Variants in OGN observed in about 807,000 individuals in gnomAD.
OGN encodes the protein osteoglycin.
OGN carries 19 observed loss-of-function variants against 30.8 expected under a neutral mutation model. That is an observed-to-expected ratio of 0.62 (90% CI 0.43 to 0.90). The LOEUF is 0.90. OGN is among the 40% of genes least tolerant of loss of function. OGN has a pLI of 0.00. For missense variants in OGN, 283 were observed against 349.7 expected, an observed-to-expected ratio of 0.81 and a Z score of 1.52; for synonymous variants, 126 against 128.3, an observed-to-expected ratio of 0.98 and a Z score of 0.12.
intron 3 of OGN, among the ~76,000 whole-genome samples, chr9:92,399,296 GTC>G (rs967909613): frequency 1.5e-4 from 23 of 151,906 alleles, no homozygotes; most frequent in African/African-American, 5.3e-4. Context: ...TAATTTATAT[GTC>G]TCTGTGTGAG....
At chr9:92,387,053 GA>G (rs903436031) in intron 5 of OGN, among the ~76,000 whole-genome samples, 1,028 of 50,164 alleles carry the variant, frequency 0.02, 3 homozygotes, top group African/African-American at 0.041. Context: ...GTCTCAAAAA[GA>G]AAAAAAAAAA....
chr9:92,401,974 C>G (rs1843133671), intron 2 of OGN, among the ~76,000 whole-genome samples: 1 of 152,164 alleles, frequency 6.6e-6, no homozygotes, highest in African/African-American at 2.4e-5. Flanking sequence ...AACTTCCTCC[C>G]TCTACTCTGT....
chr9:92,397,865 A>G (rs1410735319), intron 3 of OGN, among the ~76,000 whole-genome samples: 1 of 152,228 alleles, frequency 6.6e-6, no homozygotes, highest in Non-Finnish European at 1.5e-5. Context: ...ATGTATACAT[A>G]CACACACATA....
chr9:92,389,779 T>C, intron 5 of OGN, 75 bp downstream of exon 5: 1 of 972,528 alleles, frequency 1.0e-6, no homozygotes, highest in Non-Finnish European at 1.5e-6. Flanking sequence ...CAAAATACAA[T>C]TCTAGACCAA....
At position 92,386,292 on chromosome 9, in the gene OGN, A is replaced by G; in HGVS notation, c.635T>C (p.Leu212Pro). Residue 212 changes from leucine (L) to proline (P), a missense_variant, in exon 6 of 7, where the codon CTG becomes CCG. Coordinates refer to ENST00000375561, the MANE Select transcript of OGN (RefSeq NM_014057.5). The stretch of plus-strand genomic sequence containing the variant: ...CAAGTAGAGGAAGGTGAGGTTATTC[A>G]GTTTCTGTAAGGAAAATTTCATGTG... ...RGIKANAFKK[L>P]NNLTFLYLDH... The G allele has an allele frequency of 1.9e-6, 3 of 1,609,182 alleles. No homozygotes were observed. The highest frequency in any genetic ancestry group is 2.2e-5 in the East Asian group (1 of 44,808).
At chr9:92,404,280 T>A (rs527335415) in intron 1 of OGN, among the ~76,000 whole-genome samples, 2 of 152,230 alleles carry the variant, frequency 1.3e-5, no homozygotes, top group East Asian at 3.9e-4. Context: ...AGGTTGAAAA[T>A]GAAGAAGATA....
rs140650618 is a variant in OGN at position 92,390,532 on chromosome 9, G to T, written c.428-476C>A. 1.4e-3 allele frequency among the ~76,000 whole-genome samples: 213 copies of T among 151,892 alleles called. 1 individual carries two copies. Among genetic ancestry groups the T allele is most frequent in the African/African-American group, 5.0e-3 (209 of 41,422 alleles). ...CAAAGACAAAGATGTTCCCTGATTTGTTAAAGTGACACAGATTGAGAGAGA... is the reference window on the plus strand; with the variant it reads ...CAAAGACAAAGATGTTCCCTGATTTTTTAAAGTGACACAGATTGAGAGAGA... On this transcript the variant is annotated intron_variant, in intron 4 of 6. Transcript: ENST00000375561.
intron 3 of OGN, among the ~76,000 whole-genome samples, chr9:92,395,108 T>C (rs1302922812): frequency 1.3e-5 from 2 of 152,144 alleles, no homozygotes; most frequent in Admixed American, 6.5e-5. Flanking sequence ...TTTTTACATA[T>C]GTACACCCCC....
rs1244169097 is a variant in OGN, at chr9:92,401,133, T to A, written c.227A>T (p.Asp76Val). 6.4e-7 allele frequency: 1 copy of A among 1,558,476 alleles called. No individual in the cohort carries two copies. The highest frequency in any genetic ancestry group is 8.8e-7 in the Non-Finnish European group (1 of 1,130,930). The change falls in exon 3 of 7, where the codon GAT becomes GTT. Residue 76 changes from aspartate to valine, a missense_variant. Physicochemically the swap from Asp to Val is radical, Grantham distance 152. Coordinates refer to ENST00000375561, the MANE Select transcript of OGN (RefSeq NM_014057.5). ...PNEKSLQLQK[D>V]EAITPLPPKK... is the part of the protein sequence containing the mutation. ...GGGAGGTAATGGTGTTATTGCCTCA[T>A]CTTTTTGTAATTGAAGACTTTTCTC...
At chr9:92,386,020 A>G (rs527363635) in intron 6 of OGN, among the ~76,000 whole-genome samples, 181 bp downstream of exon 6, 1 of 152,306 alleles carries the variant, frequency 6.6e-6, no homozygotes, top group African/African-American at 2.4e-5. Flanking sequence ...TGGAATCTGG[A>G]CTTCTGGGAA....
At chr9:92,402,488 T>G (rs1843156847) in intron 2 of OGN, among the ~76,000 whole-genome samples, 1 of 152,324 alleles carries the variant, frequency 6.6e-6, no homozygotes, top group South Asian at 2.1e-4. Context: ...TCATACATAG[T>G]GGGCAACAGA....
intron 3 of OGN, among the ~76,000 whole-genome samples, chr9:92,400,227 C>T (rs540682934): frequency 4.6e-5 from 7 of 152,216 alleles, no homozygotes; most frequent in South Asian, 4.1e-4. Context: ...CTCGGCTCAC[C>T]GCAACCTCCA....
chr9:92,393,342 T>G, intron 3 of OGN, 98 bp from the exon 4 acceptor site: 1 of 902,066 alleles, frequency 1.1e-6, no homozygotes, highest in Non-Finnish European at 1.6e-6. Context: ...TATTACTAAT[T>G]TGAAGAGATG....
intron 4 of OGN, among the ~76,000 whole-genome samples, chr9:92,392,287 G>C (rs1431752589): frequency 6.6e-6 from 1 of 152,068 alleles, no homozygotes; most frequent in Non-Finnish European, 1.5e-5. Context: ...CCCCAGATCT[G>C]AATTACAACC....
chr9:92,396,741 A>G (rs1174471439), intron 3 of OGN, among the ~76,000 whole-genome samples: 1 of 151,752 alleles, frequency 6.6e-6, no homozygotes, highest in Non-Finnish European at 1.5e-5. Flanking sequence ...TTTCTTGGTT[A>G]AATTTTTTGT....
chr9:92,387,176 C>T (rs927564455), intron 5 of OGN, among the ~76,000 whole-genome samples: 5 of 151,596 alleles, frequency 3.3e-5, no homozygotes, highest in African/African-American at 1.2e-4. Context: ...AGTTCGAGAC[C>T]AGCCTGGCCA....
chr9:92,389,272 G>C (rs1441135217), intron 5 of OGN, among the ~76,000 whole-genome samples: 1 of 152,138 alleles, frequency 6.6e-6, no homozygotes, highest in Non-Finnish European at 1.5e-5. Context: ...TACCTAAACC[G>C]AAGTAGATTA....
Position 92,403,499 on chromosome 9 carries a change from A to G in OGN, c.-75-17T>C. 1 of 1,483,304 alleles carries G rather than the reference A, an allele frequency of 6.7e-7. No homozygotes were observed. Among genetic ancestry groups the G allele is most frequent in the Non-Finnish European group, 8.9e-7 (1 of 1,119,524 alleles). 91.9% of individuals were successfully genotyped at this position (1,483,304 alleles called of 1,614,324 possible). A position where few individuals can be genotyped will look rare whatever the true frequency, so the allele number is the denominator to read the frequency against. On this transcript the variant is annotated splice_polypyrimidine_tract_variant and intron_variant, in intron 1 of 6. Transcript: ENST00000375561. The stretch of plus-strand genomic sequence containing the variant: ...TCTTTTTCCCTGGAAATAAAAATTC[A>G]GACCATCGAAGCAATATTTAAAAGC...
chr9:92,402,584 A>C (rs1196695337), intron 2 of OGN, among the ~76,000 whole-genome samples: 2 of 152,140 alleles, frequency 1.3e-5, no homozygotes, highest in Non-Finnish European at 2.9e-5. Flanking sequence ...TTGCCCATAA[A>C]GGTGGGGAAT....
Sources: allele counts gnomAD v4.1 joint callset (sites outside exome capture counted in the v4.1 genomes callset), GRCh38; gene constraint gnomAD v4.1.1; transcripts MANE v1.5; gene names NCBI Gene and HGNC (gene_info 2026-07-23, HGNC 2026-07-21).